The following PRSS41 variants were observed in gnomAD, a reference collection of about 807,000 sequenced individuals.
PRSS41 encodes the protein protease, serine 41.
Under a neutral mutation model 28.8 loss-of-function variants are expected in PRSS41, and 37 were observed. That is an observed-to-expected ratio of 1.29 (90% CI 0.99 to 1.69). PRSS41 has a LOEUF of 1.69. Ranked by LOEUF, PRSS41 falls within the 40% of genes most tolerant of loss-of-function variation. The pLI is 0.00. For synonymous variants in PRSS41, 195 were observed against 163.1 expected, an observed-to-expected ratio of 1.20 and a Z score of -1.49; for missense variants, 431 against 400.7, an observed-to-expected ratio of 1.08 and a Z score of -0.65.
chr16:2,799,372 G>A (rs903024087), exon 4 of PRSS41: 9 of 1,551,840 alleles, frequency 5.8e-6, no homozygotes, highest in African/African-American at 2.7e-5. Flanking sequence ...TACAGCAGTC[G>A]TTACAAAGTG....
exon 3 of PRSS41, chr16:2,799,017 C>G (rs1030023863): frequency 6.5e-7 from 1 of 1,532,480 alleles, no homozygotes; most frequent in Non-Finnish European, 8.7e-7. Context: ...AGTCCGCGCG[C>G]GGGCGCTGGC....
intron 4 of PRSS41, among the ~76,000 whole-genome samples, chr16:2,801,106 G>A (rs916988499): frequency 4.6e-5 from 7 of 152,044 alleles, no homozygotes; most frequent in Non-Finnish European, 1.0e-4. Flanking sequence ...CCCAAAGTTC[G>A]GGGATTACAG....
At chr16:2,798,497 G>A (rs766179194) in exon 1 of PRSS41, 3 of 1,519,204 alleles carry the variant, frequency 2.0e-6, no homozygotes, top group African/African-American at 2.8e-5. Flanking sequence ...GGGCGCGCGC[G>A]GGGCGCTGCT....
intron 4 of PRSS41, among the ~76,000 whole-genome samples, chr16:2,800,283 A>G (rs551441282): frequency 7.0e-4 from 106 of 152,318 alleles, no homozygotes; most frequent in African/African-American, 2.5e-3. Flanking sequence ...GCATGAGCCT[A>G]TAATCCCAGC....
chr16:2,804,745 C>G (rs1251837579), intron 5 of PRSS41, among the ~76,000 whole-genome samples, 169 bp from the exon 6 acceptor site: 1 of 152,358 alleles, frequency 6.6e-6, no homozygotes, highest in African/African-American at 2.4e-5. Flanking sequence ...CCCACCAACC[C>G]CTGGAGGCTG....
At chr16:2,801,105 C>T (rs1229576249) in intron 4 of PRSS41, among the ~76,000 whole-genome samples, 1 of 152,130 alleles carries the variant, frequency 6.6e-6, no homozygotes, top group Non-Finnish European at 1.5e-5. Context: ...TCCCAAAGTT[C>T]GGGGATTACA....
At chr16:2,802,646 G>A (rs1358062263) in intron 4 of PRSS41, among the ~76,000 whole-genome samples, 1 of 152,248 alleles carries the variant, frequency 6.6e-6, no homozygotes, top group Non-Finnish European at 1.5e-5. Context: ...TCGGGAGGCC[G>A]AGGCTGGCGG....
At chr16:2,801,797 G>C (rs1483537186) in intron 4 of PRSS41, among the ~76,000 whole-genome samples, 30 of 151,534 alleles carry the variant, frequency 2.0e-4, no homozygotes, top group Non-Finnish European at 2.8e-4. Context: ...ACCTTTCCCC[G>C]CTTTCTATTC....
chr16:2,803,544 G>A (rs566331943), intron 4 of PRSS41, among the ~76,000 whole-genome samples: 2 of 152,124 alleles, frequency 1.3e-5, no homozygotes, highest in African/African-American at 4.8e-5. Flanking sequence ...ATTGTTTTAT[G>A]TATTTGTCAT....
chr16:2,804,058 C>T (rs2069005110), intron 4 of PRSS41, among the ~76,000 whole-genome samples: 1 of 152,210 alleles, frequency 6.6e-6, no homozygotes, highest in Non-Finnish European at 1.5e-5. Context: ...TAATCATAAA[C>T]ATTCTCATCT....
At chr16:2,798,493 G>A (rs961193991) in exon 1 of PRSS41, 3 of 1,517,162 alleles carry the variant, frequency 2.0e-6, no homozygotes, top group East Asian at 2.6e-5. Context: ...CCATGGGCGC[G>A]CGCGGGGCGC....
chr16:2,799,361 C>G, exon 4 of PRSS41: 1 of 1,551,896 alleles, frequency 6.4e-7, no homozygotes, highest in South Asian at 1.2e-5. Context: ...ACCTGCGGGC[C>G]TACAGCAGTC....
Position 2,799,355 on chromosome 16 carries a change from GC to G in PRSS41, c.328del (p.Arg110GlyfsTer14). 2 of 1,551,842 alleles carry G rather than the reference GC, an allele frequency of 1.3e-6. No homozygotes were observed. Among genetic ancestry groups the G allele is most frequent in the Non-Finnish European group, 1.7e-6 (2 of 1,147,036 alleles). ...CTTCCAGGCCAACTCCTTGGAACCT[GC>G]GGGCCTACAGCAGTCGTTACAAAGT... On this transcript the variant is annotated frameshift_variant, in exon 4 of 6. Coordinates refer to ENST00000399677, the Ensembl canonical transcript of PRSS41. LOFTEE classifies it high-confidence loss of function.
intron 4 of PRSS41, among the ~76,000 whole-genome samples, chr16:2,801,974 C>T (rs1387145558): frequency 6.9e-6 from 1 of 144,800 alleles, no homozygotes; most frequent in Non-Finnish European, 1.5e-5. Flanking sequence ...GGGGGGCTGA[C>T]CCCCCCACCT....
rs758490736 is a variant in PRSS41, at chr16:2,804,431, C to G, written c.584C>G (p.Thr195Ser). The change falls in exon 5 of 6, where the codon ACC becomes AGC. Residue 195 changes from threonine to serine, a missense_variant. Transcript: ENST00000399677. ...TACAACCTCCGGGAAGCACAGGTCA[C>G]CATCTTAAACAACACCAGGTGTAAT... 7 of 1,551,648 alleles carry G rather than the reference C, an allele frequency of 4.5e-6. No homozygotes were observed. In the South Asian group the frequency reaches 7.1e-5, roughly 16 times the overall value.
intron 4 of PRSS41, among the ~76,000 whole-genome samples, chr16:2,804,071 T>G (rs182252956): frequency 1.4e-3 from 213 of 152,356 alleles, no homozygotes; most frequent in African/African-American, 5.0e-3. Context: ...TCTCATCTAC[T>G]GTAGCCCTTC....
chr16:2,798,919 C>T, intron 2 of PRSS41, 40 bp from the exon 3 acceptor site: 1 of 1,499,238 alleles, frequency 6.7e-7, no homozygotes, highest in Non-Finnish European at 8.9e-7. Context: ...CCCACCCCAC[C>T]CCACCCGGCA....
intron 4 of PRSS41, 48 bp from the exon 5 acceptor site, chr16:2,804,341 T>G (rs2069006536): frequency 6.5e-7 from 1 of 1,540,154 alleles, no homozygotes; most frequent in Admixed American, 2.0e-5. Context: ...CTGCTCCAGA[T>G]AGCAGAGGAG....
chr16:2,798,922 A>ACCCCCC, intron 2 of PRSS41, 37 bp from the exon 3 acceptor site: 1 of 682,678 alleles, frequency 1.5e-6, no homozygotes, highest in Non-Finnish European at 2.3e-6. Flanking sequence ...ACCCCACCCC[A>ACCCCCC]CCCGGCAGCT....
Sources: gnomAD v4.1 joint callset for allele counts (sites outside exome capture counted in the v4.1 genomes callset) on GRCh38, gnomAD v4.1.1 for gene constraint, MANE v1.5 for transcripts, NCBI Gene and HGNC (gene_info 2026-07-23, HGNC 2026-07-21) for gene names.